NKD1: variants seen among roughly 807,000 people sequenced by gnomAD.
NKD1 encodes the protein protein naked cuticle homolog 1.
Under a neutral mutation model 56.0 loss-of-function variants are expected in NKD1, and 21 were observed. The ratio of observed to expected loss-of-function variants is 0.38; its 90% CI spans 0.27 to 0.54. NKD1 has a LOEUF of 0.54. Among genes scored for constraint, NKD1 ranks in the 20% least tolerant of loss-of-function variants. The probability of loss-of-function intolerance (pLI) is 0.82; values close to 1 mark genes in which losing one functional copy is unlikely to be tolerated. For missense variants in NKD1, 578 were observed against 642.7 expected, an observed-to-expected ratio of 0.90 and a Z score of 1.09; for synonymous variants, 263 against 265.7, an observed-to-expected ratio of 0.99 and a Z score of 0.10.
chr16:50,600,663 G>A (rs78029696), intron 3 of NKD1, among the ~76,000 whole-genome samples: 1,531 of 152,316 alleles, frequency 0.01, 19 homozygotes, highest in African/African-American at 0.034. Context: ...TGGTGTGACA[G>A]CCCAGGAAGT....
intron 5 of NKD1, chr16:50,625,122 G>T (rs1962180091): frequency 3.1e-6 from 1 of 319,876 alleles, no homozygotes; most frequent in Non-Finnish European, 6.0e-6. Context: ...CATCCTCCTG[G>T]GGCTCCCAAA....
intron 3 of NKD1, among the ~76,000 whole-genome samples, chr16:50,587,531 A>G (rs1370274214): frequency 1.3e-5 from 2 of 152,342 alleles, no homozygotes; most frequent in African/African-American, 4.8e-5. Flanking sequence ...TATGTCTGAC[A>G]TGGAAAAATT....
At chr16:50,613,967 C>T (rs145050587) in intron 4 of NKD1, among the ~76,000 whole-genome samples, 86 of 152,278 alleles carry the variant, frequency 5.6e-4, no homozygotes, top group African/African-American at 1.7e-3. Context: ...CTCCCCTACC[C>T]GCTTTTCCCC....
At chr16:50,624,739 G>C (rs949180679) in intron 5 of NKD1, among the ~76,000 whole-genome samples, 1 of 152,204 alleles carries the variant, frequency 6.6e-6, no homozygotes, top group Non-Finnish European at 1.5e-5. Flanking sequence ...GTCCCAGGGA[G>C]GGGTGAGGAG....
intron 4 of NKD1, among the ~76,000 whole-genome samples, chr16:50,610,734 C>T (rs919787372): frequency 1.3e-5 from 2 of 152,188 alleles, no homozygotes; most frequent in Non-Finnish European, 1.5e-5. Context: ...TTAGCTCCCG[C>T]GTTGTTATGT....
intron 3 of NKD1, among the ~76,000 whole-genome samples, chr16:50,583,534 C>T (rs1961164000): frequency 6.6e-6 from 1 of 152,192 alleles, no homozygotes; most frequent in Non-Finnish European, 1.5e-5. Flanking sequence ...TCAGGAGCTA[C>T]CAGCACAACT....
chr16:50,557,373 C>CT (rs1375628575), intron 3 of NKD1: 1 of 152,158 alleles, frequency 6.6e-6, no homozygotes, highest in Non-Finnish European at 1.5e-5. Context: ...GTTCTTGCCT[C>CT]TGTGAGAGTG....
intron 6 of NKD1, among the ~76,000 whole-genome samples, chr16:50,625,843 G>GC (rs899069534): frequency 4.3e-5 from 4 of 93,850 alleles, no homozygotes; most frequent in African/African-American, 9.6e-5. Context: ...AAAGAAGTTG[G>GC]GGGGGGCAGG....
chr16:50,570,457 T>G (rs898273381), intron 3 of NKD1, among the ~76,000 whole-genome samples: 1 of 152,224 alleles, frequency 6.6e-6, no homozygotes, highest in Non-Finnish European at 1.5e-5. Flanking sequence ...TAATGGGAAC[T>G]GAGATACACT....
intron 8 of NKD1, among the ~76,000 whole-genome samples, chr16:50,631,668 C>A (rs1032406265): frequency 6.6e-6 from 1 of 152,190 alleles, no homozygotes; most frequent in African/African-American, 2.4e-5. Context: ...GGGAGCAGAT[C>A]GAAGAGGTCC....
rs189468274 is a variant in NKD1, at chr16:50,609,153, C to T, written c.259+793C>T. Among the ~76,000 whole-genome samples the T allele has an allele frequency of 3.8e-4, 58 of 152,272 alleles. 1 individual carries two copies. In the East Asian group the frequency reaches 0.011, roughly 28 times the overall value. ...GCTTGCTTTCTTCATGGTGAAGTGC[C>T]GTGTTGTAGAGAGAATCAGGACGCT... On this transcript the variant is annotated intron_variant, in intron 4 of 9. Transcript: ENST00000268459.
rs546894151 is a variant in NKD1 at position 50,636,170 on chromosome 16, G to C, written c.*2389G>C. ...GTCACGTGGCCAACCTGCCGCAAGG[G>C]GGTGGGGTCTGTACCGGAAGACAGG... On this transcript the variant is annotated 3_prime_UTR_variant, in exon 10 of 10. Coordinates refer to ENST00000268459, the MANE Select transcript of NKD1 (RefSeq NM_033119.5). 6.6e-6 allele frequency: 1 copy of C among 152,376 alleles called. No individual in the cohort carries two copies. Among genetic ancestry groups the C allele is most frequent in the South Asian group, 2.1e-4 (1 of 4,824 alleles). The allele number at this position is 152,376 out of a possible 1,614,324, so 9.4% of individuals were successfully genotyped here.
Position 50,646,879 on chromosome 16 carries a change from A to G in NKD1, c.*13098A>G, listed in dbSNP as rs1962690983. Reference sequence around the variant, plus strand: ...CAGATGGCAAAACAGCTGGGTCAGGATATCCCCAGGGTCATGCCTCTGCCA... The same window carrying G: ...CAGATGGCAAAACAGCTGGGTCAGGGTATCCCCAGGGTCATGCCTCTGCCA... On this transcript the variant is annotated 3_prime_UTR_variant, in exon 10 of 10. Transcript: ENST00000268459. The G allele has an allele frequency of 6.6e-6, 1 of 152,166 alleles. No individual in the cohort carries two copies. Among genetic ancestry groups the G allele is most frequent in the Admixed American group, 6.5e-5 (1 of 15,280 alleles). 9.4% of individuals were successfully genotyped at this position (152,166 alleles called of 1,614,324 possible).
chr16:50,573,960 A>G, intron 3 of NKD1: 1 of 984,236 alleles, frequency 1.0e-6, no homozygotes, highest in Non-Finnish European at 1.2e-6. Flanking sequence ...ACACACATGT[A>G]TATGACATAT....
chr16:50,556,084 G>T (rs1960496914), intron 3 of NKD1: 2 of 152,182 alleles, frequency 1.3e-5, no homozygotes, highest in Admixed American at 1.3e-4. Context: ...AGAGTTGAAG[G>T]CCTCAGTTGT....
chr16:50,630,452 C>A, intron 7 of NKD1, 119 bp downstream of exon 7: 1 of 1,127,670 alleles, frequency 8.9e-7, no homozygotes, highest in Non-Finnish European at 1.3e-6. Context: ...GCTTTGTGGA[C>A]AGGTGGGGTT....
At chr16:50,570,541 C>T (rs532784197) in intron 3 of NKD1, among the ~76,000 whole-genome samples, 24 of 152,284 alleles carry the variant, frequency 1.6e-4, no homozygotes, top group African/African-American at 3.8e-4. Context: ...GACCTTTGGG[C>T]GAGTGCCTTA....
intron 3 of NKD1, among the ~76,000 whole-genome samples, chr16:50,604,968 C>T (rs1961674376): frequency 6.6e-6 from 1 of 152,250 alleles, no homozygotes; most frequent in Admixed American, 6.5e-5. Flanking sequence ...ATTTTTCTTG[C>T]ACTCCTTTAG....
chr16:50,630,958 AC>A, intron 8 of NKD1, 48 bp downstream of exon 8: 1 of 1,454,682 alleles, frequency 6.9e-7, no homozygotes, highest in Non-Finnish European at 9.4e-7. Context: ...CCAGCTGTGT[AC>A]CTGCTTCTGA....
Sources: gnomAD v4.1 joint callset for allele counts (sites outside exome capture counted in the v4.1 genomes callset) on GRCh38, gnomAD v4.1.1 for gene constraint, MANE v1.5 for transcripts, NCBI Gene and HGNC (gene_info 2026-07-23, HGNC 2026-07-21) for gene names.